The following PTPRG variants were observed in gnomAD, a reference collection of about 807,000 sequenced individuals.
PTPRG encodes the protein protein tyrosine phosphatase receptor type G, also known as receptor-type tyrosine-protein phosphatase gamma.
In PTPRG, 102 loss-of-function variants were observed where a neutral mutation model predicts 165.3. The observed-to-expected ratio is 0.62, with a 90% CI of 0.53 to 0.73. The LOEUF is 0.73. PTPRG is among the 30% of genes least tolerant of loss of function. PTPRG has a pLI of 0.00. For synonymous variants in PTPRG, 675 were observed against 669.5 expected (o/e 1.01, Z -0.13); for missense variants, 1,866 against 1,861.4 (o/e 1.00, Z -0.05).
chr3:61,735,533 T>TC (rs1260648384), intron 1 of PTPRG, among the ~76,000 whole-genome samples: 1 of 152,044 alleles, frequency 6.6e-6, no homozygotes, highest in African/African-American at 2.4e-5. Context: ...CCTTGAGTTT[T>TC]TTTTTTTTTT....
chr3:62,119,141 G>C (rs1457325880), intron 5 of PTPRG, among the ~76,000 whole-genome samples: 7 of 152,190 alleles, frequency 4.6e-5, no homozygotes, highest in South Asian at 2.1e-4. Context: ...TGAAGGGTAG[G>C]AAGTGCAGGA....
rs2148893370 is a variant in PTPRG, at chr3:62,284,748, C to T, written c.4055+1879C>T. ...TCAACTTAACTGTACAGACCAGAAACATATCAGAGTTATTTTTGAGTCTCC... is the reference window on the plus strand; with the variant it reads ...TCAACTTAACTGTACAGACCAGAAATATATCAGAGTTATTTTTGAGTCTCC... On this transcript the variant is annotated intron_variant, in intron 28 of 29. Transcript: ENST00000474889. Among the ~76,000 whole-genome samples the T allele has an allele frequency of 2.0e-5, 3 of 152,204 alleles. 1 individual carries two copies. The South Asian group carries it at 6.2e-4, about 32-fold the overall frequency.
chr3:61,912,179 G>T (rs559627624), intron 2 of PTPRG, among the ~76,000 whole-genome samples: 1 of 151,788 alleles, frequency 6.6e-6, no homozygotes, highest in African/African-American at 2.4e-5. Flanking sequence ...TAGAAAATGC[G>T]CAACAGTATA....
chr3:62,232,010 A>C (rs994424818), intron 14 of PTPRG, among the ~76,000 whole-genome samples: 7 of 152,162 alleles, frequency 4.6e-5, no homozygotes, highest in African/African-American at 1.7e-4. Flanking sequence ...ATTTAATATT[A>C]ATATCTTTTA....
intron 2 of PTPRG, among the ~76,000 whole-genome samples, chr3:61,821,262 T>G (rs662011): frequency 6.6e-6 from 1 of 151,660 alleles, no homozygotes; most frequent in East Asian, 2.0e-4. Flanking sequence ...CTCCGCCGCC[T>G]GGGTTCATGC....
At chr3:61,856,360 T>C (rs912631960) in intron 2 of PTPRG, among the ~76,000 whole-genome samples, 1 of 152,060 alleles carries the variant, frequency 6.6e-6, no homozygotes, top group Admixed American at 6.5e-5. Flanking sequence ...AGACCAAGAA[T>C]TTTACAAGGT....
chr3:61,806,057 C>G (rs948557102), intron 2 of PTPRG, among the ~76,000 whole-genome samples: 3 of 152,186 alleles, frequency 2.0e-5, no homozygotes, highest in Non-Finnish European at 4.4e-5. Flanking sequence ...TGCTAAAGTT[C>G]TGGAACAGGC....
chr3:62,033,702 GGA>G (rs1156344552), intron 4 of PTPRG, among the ~76,000 whole-genome samples: 3 of 151,922 alleles, frequency 2.0e-5, no homozygotes, highest in Admixed American at 6.6e-5. Context: ...AATTACAGAG[GGA>G]GAGAGTTTAG....
chr3:61,686,685 G>A (rs531816733), intron 1 of PTPRG, among the ~76,000 whole-genome samples: 2 of 152,294 alleles, frequency 1.3e-5, no homozygotes, highest in South Asian at 2.1e-4. Flanking sequence ...ATTATACTAT[G>A]CTAAATAATG....
intron 6 of PTPRG, among the ~76,000 whole-genome samples, chr3:62,139,106 C>T (rs1703828494): frequency 6.6e-6 from 1 of 152,108 alleles, no homozygotes; most frequent in South Asian, 2.1e-4. Context: ...GGAGAATGTA[C>T]CATCTTAGTG....
At chr3:61,883,997 T>C (rs1025372395) in intron 2 of PTPRG, among the ~76,000 whole-genome samples, 9 of 152,212 alleles carry the variant, frequency 5.9e-5, no homozygotes, top group African/African-American at 1.9e-4. Flanking sequence ...ATTACAGGTG[T>C]ACAACATTCT....
chr3:62,116,680 A>G (rs1375857466), intron 5 of PTPRG, among the ~76,000 whole-genome samples: 1 of 152,204 alleles, frequency 6.6e-6, no homozygotes, highest in African/African-American at 2.4e-5. Flanking sequence ...CTGAGGTTGC[A>G]TGGGTGTATA....
At chr3:61,844,598 C>T (rs1368537605) in intron 2 of PTPRG, among the ~76,000 whole-genome samples, 2 of 140,178 alleles carry the variant, frequency 1.4e-5, no homozygotes, top group African/African-American at 5.7e-5. Context: ...GCCTTGAACT[C>T]ATGGGCTCAA....
At chr3:61,925,355 G>A (rs2039181223) in intron 2 of PTPRG, among the ~76,000 whole-genome samples, 1 of 152,142 alleles carries the variant, frequency 6.6e-6, no homozygotes, top group African/African-American at 2.4e-5. Flanking sequence ...GCCTCATGGA[G>A]CCTGGCCTTA....
chr3:61,973,833 A>AAAATAAATAAAT (rs147291562), intron 2 of PTPRG, among the ~76,000 whole-genome samples: 1 of 150,160 alleles, frequency 6.7e-6, no homozygotes, highest in African/African-American at 2.5e-5. Context: ...ACTCCATTTC[A>AAAATAAATAAAT]AAATAAATAA....
intron 26 of PTPRG, among the ~76,000 whole-genome samples, chr3:62,279,313 G>T (rs1450445519): frequency 6.6e-6 from 1 of 152,004 alleles, no homozygotes; most frequent in East Asian, 1.9e-4. Flanking sequence ...TGTGCCTGCT[G>T]AATTAAGAAG....
intron 2 of PTPRG, among the ~76,000 whole-genome samples, chr3:61,939,930 T>G (rs2039574764): frequency 5.9e-5 from 1 of 17,028 alleles, no homozygotes; most frequent in African/African-American, 2.6e-4. Flanking sequence ...TGACTTGTCT[T>G]TTTTTTTTTT....
intron 6 of PTPRG, among the ~76,000 whole-genome samples, chr3:62,151,962 A>G (rs1350867436): frequency 6.6e-6 from 1 of 152,206 alleles, no homozygotes; most frequent in Non-Finnish European, 1.5e-5. Flanking sequence ...ACACTTACAC[A>G]AAGGTTAAAT....
chr3:61,962,751 GGCA>G (rs1300045572), intron 2 of PTPRG, among the ~76,000 whole-genome samples: 4 of 152,128 alleles, frequency 2.6e-5, no homozygotes, highest in African/African-American at 9.7e-5. Context: ...GTATGTGTCA[GGCA>G]CTGTTCTAGA....
Sources: allele counts gnomAD v4.1 joint callset (sites outside exome capture counted in the v4.1 genomes callset), GRCh38; gene constraint gnomAD v4.1.1; transcripts MANE v1.5; gene names NCBI Gene and HGNC (gene_info 2026-07-23, HGNC 2026-07-21).